Variants in RB1 observed in about 807,000 individuals in gnomAD.
The protein encoded by RB1 is RB transcriptional corepressor 1, also known as retinoblastoma-associated protein.
In RB1, 18 loss-of-function variants were observed where a neutral mutation model predicts 135.4. The ratio of observed to expected loss-of-function variants is 0.13; its 90% confidence interval spans 0.09 to 0.20. The LOEUF (loss-of-function observed/expected upper bound fraction) is 0.20. RB1 is among the 10% of genes least tolerant of loss of function. The pLI is 1.00. For missense variants in RB1, 868 were observed against 1,110.0 expected (o/e 0.78, Z 3.10); for synonymous variants, 365 against 373.2 (o/e 0.98, Z 0.25).
intron 17 of RB1, among the ~76,000 whole-genome samples, chr13:48,419,589 A>G (rs1052510859): frequency 1.3e-5 from 2 of 152,206 alleles, no homozygotes; most frequent in African/African-American, 4.8e-5. Context: ...AAAATCAATG[A>G]ATCCAGGAGC....
intron 2 of RB1, among the ~76,000 whole-genome samples, chr13:48,338,868 T>C (rs1952413021): frequency 6.7e-6 from 1 of 148,692 alleles, no homozygotes; most frequent in Non-Finnish European, 1.5e-5. Flanking sequence ...GTGGATGTCG[T>C]TTCTGTTTGT....
At chr13:48,331,153 G>A (rs1248616995) in intron 2 of RB1, among the ~76,000 whole-genome samples, 4 of 152,160 alleles carry the variant, frequency 2.6e-5, no homozygotes, top group South Asian at 2.1e-4. Flanking sequence ...AAGGTTATAC[G>A]TGATAAGCCC....
At chr13:48,459,856 C>T (rs755476170) in intron 20 of RB1, 23 bp downstream of exon 20, 1 of 1,584,294 alleles carries the variant, frequency 6.3e-7, no homozygotes. Context: ...AGCACTTCAC[C>T]TTCTCTCCTC....
chr13:48,356,087 G>C (rs1487596212), intron 6 of RB1, among the ~76,000 whole-genome samples: 1 of 151,970 alleles, frequency 6.6e-6, no homozygotes, highest in Non-Finnish European at 1.5e-5. Context: ...TAACTCAAAG[G>C]ATAAATGCTT....
intron 17 of RB1, among the ~76,000 whole-genome samples, chr13:48,393,436 C>T (rs1948625670): frequency 6.6e-6 from 1 of 152,176 alleles, no homozygotes; most frequent in Admixed American, 6.5e-5. Context: ...TGAGGCTCAC[C>T]ATTTGTTTTC....
chr13:48,406,494 T>G (rs568398834), intron 17 of RB1: 68 of 152,334 alleles, frequency 4.5e-4, no homozygotes, highest in African/African-American at 1.6e-3. Flanking sequence ...CTTTTCTTGC[T>G]GAAGACAAAT....
intron 2 of RB1, among the ~76,000 whole-genome samples, chr13:48,316,346 G>A (rs1042677285): frequency 6.6e-6 from 1 of 152,106 alleles, no homozygotes; most frequent in Admixed American, 6.5e-5. Flanking sequence ...GCATCTGAGC[G>A]ATTCCCGGGG....
chr13:48,404,716 G>A (rs1311298201), intron 17 of RB1, among the ~76,000 whole-genome samples: 1 of 151,890 alleles, frequency 6.6e-6, no homozygotes, highest in African/African-American at 2.4e-5. Context: ...TAGTAGAGAC[G>A]GGTTTTCACC....
chr13:48,396,891 A>G (rs1453763755), intron 17 of RB1, among the ~76,000 whole-genome samples: 2 of 152,264 alleles, frequency 1.3e-5, no homozygotes, highest in Non-Finnish European at 2.9e-5. Context: ...AACATATGAA[A>G]AAAAGCTCAT....
chr13:48,434,179 G>A (rs1949159451), intron 17 of RB1, among the ~76,000 whole-genome samples: 1 of 151,864 alleles, frequency 6.6e-6, no homozygotes, highest in South Asian at 2.1e-4. Flanking sequence ...AGGCCTGGTG[G>A]CTCATGCCTG....
chr13:48,442,169 C>T (rs906971648), intron 17 of RB1, among the ~76,000 whole-genome samples: 1 of 151,834 alleles, frequency 6.6e-6, no homozygotes, highest in Admixed American at 6.6e-5. Context: ...GTATTAGTTC[C>T]TTTTATAGTA....
rs750617332 is a variant in RB1, at chr13:48,411,798, T to G, written c.1695+30355T>G. Reference sequence around the variant, plus strand: ...TAATGTAACAGGTTTGGTTAAAGTTTTTAGCACCATACTAGAACAAGTTAC... The same window carrying G: ...TAATGTAACAGGTTTGGTTAAAGTTGTTAGCACCATACTAGAACAAGTTAC... On this transcript the variant is annotated intron_variant, in intron 17 of 26. Transcript: ENST00000267163. 3.1e-6 allele frequency: 5 copies of G among 1,612,786 alleles called. No individual in the cohort carries two copies. The African/African-American group carries it at 6.7e-5, about 22-fold the overall frequency.
At chr13:48,305,730 A>G (rs1207727638) in intron 1 of RB1, among the ~76,000 whole-genome samples, 2 of 152,230 alleles carry the variant, frequency 1.3e-5, no homozygotes, top group Non-Finnish European at 2.9e-5. Flanking sequence ...ATTAACATAG[A>G]CAGTTGAACT....
At chr13:48,310,640 A>G (rs1198619736) in intron 2 of RB1, among the ~76,000 whole-genome samples, 1 of 152,084 alleles carries the variant, frequency 6.6e-6, no homozygotes, top group Non-Finnish European at 1.5e-5. Context: ...TTTATCATTG[A>G]TGTATTTTTT....
chr13:48,429,319 G>A (rs530753105), intron 17 of RB1: 2 of 152,366 alleles, frequency 1.3e-5, no homozygotes, highest in Admixed American at 6.5e-5. Context: ...GTAGGCTGAG[G>A]TGGGAAGATC....
At chr13:48,308,957 A>C (rs1390318753) in intron 2 of RB1, among the ~76,000 whole-genome samples, 1 of 152,058 alleles carries the variant, frequency 6.6e-6, no homozygotes, top group Non-Finnish European at 1.5e-5. Flanking sequence ...TTTGTAATAT[A>C]GTTTCTAGTG....
intron 17 of RB1, among the ~76,000 whole-genome samples, chr13:48,406,180 G>C (rs1948738181): frequency 1.3e-5 from 2 of 151,884 alleles, no homozygotes; most frequent in Non-Finnish European, 2.9e-5. Context: ...CTAGAAGTAA[G>C]AATGCTGGGT....
intron 17 of RB1, among the ~76,000 whole-genome samples, chr13:48,396,026 T>A (rs1478468512): frequency 6.6e-6 from 1 of 152,186 alleles, no homozygotes; most frequent in Non-Finnish European, 1.5e-5. Context: ...AAACATTCCA[T>A]GCTCATGGAT....
intron 2 of RB1, among the ~76,000 whole-genome samples, chr13:48,309,471 A>G (rs945031522): frequency 2.6e-5 from 4 of 152,328 alleles, no homozygotes; most frequent in African/African-American, 9.6e-5. Flanking sequence ...AAAGAGAGGA[A>G]TACTGAAGTA....
Sources: gnomAD v4.1 joint callset for allele counts (sites outside exome capture counted in the v4.1 genomes callset) on GRCh38, gnomAD v4.1.1 for gene constraint, MANE v1.5 for transcripts, NCBI Gene and HGNC (gene_info 2026-07-23, HGNC 2026-07-21) for gene names.